The following EML6 variants were observed in gnomAD, a reference collection of about 807,000 sequenced individuals.
EML6 encodes the protein echinoderm microtubule-associated protein-like 6.
In EML6, 154 loss-of-function variants were observed where a neutral mutation model predicts 240.1. The observed-to-expected ratio is 0.64, with a 90% CI of 0.56 to 0.73. EML6 has a LOEUF of 0.73. Among genes scored for constraint, EML6 ranks in the 30% least tolerant of loss-of-function variants. The pLI is 0.00. For missense variants in EML6, 2,964 were observed against 2,474.6 expected (o/e 1.20, Z -4.20); for synonymous variants, 1,148 against 899.0 (o/e 1.28, Z -4.95).
chr2:54,777,072 C>T (rs1668634726), intron 2 of EML6, among the ~76,000 whole-genome samples: 1 of 152,180 alleles, frequency 6.6e-6, no homozygotes, highest in South Asian at 2.1e-4. Context: ...AGCTTTATTG[C>T]CAGCTGCAGC....
chr2:54,725,867 A>G lies in EML6; in HGVS notation c.197+609A>G, dbSNP rs556070434. 2.0e-5 allele frequency among the ~76,000 whole-genome samples: 3 copies of G among 152,336 alleles called. No individual in the cohort carries two copies. The highest frequency in any genetic ancestry group is 3.9e-4 in the East Asian group (2 of 5,184). Reference sequence around the variant, plus strand: ...TCCACAGCATCATTGAGGTTATTAAAGGCTGGCAGCTGCTGGATCACAAAA... The same window carrying G: ...TCCACAGCATCATTGAGGTTATTAAGGGCTGGCAGCTGCTGGATCACAAAA... On this transcript the variant is annotated intron_variant, in intron 2 of 41. Coordinates refer to ENST00000356458, the MANE Select transcript of EML6 (RefSeq NM_001039753.4). This position sits in a 1 kb window ranked among gnomAD's most constrained non-coding sequence, Gnocchi z 4.3.
chr2:54,848,611 A>G lies in EML6; in HGVS notation c.1187+988A>G, dbSNP rs188002494. Among the ~76,000 whole-genome samples, 148 of 152,042 alleles carry G rather than the reference A, an allele frequency of 9.7e-4. 1 individual carries two copies. The highest frequency in any genetic ancestry group is 3.2e-3 in the African/African-American group (131 of 41,482). Reference sequence around the variant, plus strand: ...TACACCATAATGCTATTAATAAATGATAGCAGGTATGAGCGACTGTTATGT... The same window carrying G: ...TACACCATAATGCTATTAATAAATGGTAGCAGGTATGAGCGACTGTTATGT... On this transcript the variant is annotated intron_variant, in intron 9 of 41. Transcript: ENST00000356458.
chr2:54,750,672 G>A (rs572651407), intron 2 of EML6, among the ~76,000 whole-genome samples: 1 of 152,218 alleles, frequency 6.6e-6, no homozygotes, highest in Admixed American at 6.5e-5. Flanking sequence ...ATGGGTATAG[G>A]CAGTATGTTG....
intron 26 of EML6, among the ~76,000 whole-genome samples, chr2:54,925,937 A>G (rs1674519935): frequency 6.6e-6 from 1 of 152,188 alleles, no homozygotes; most frequent in South Asian, 2.1e-4. Context: ...CCTCCTCAGA[A>G]TGTGAAAAGC....
chr2:54,929,040 G>T (rs1460036509), intron 28 of EML6, among the ~76,000 whole-genome samples: 2 of 152,138 alleles, frequency 1.3e-5, no homozygotes, highest in Non-Finnish European at 2.9e-5. Flanking sequence ...AAAATGCTAG[G>T]GTAGCCCCAA....
intron 2 of EML6, among the ~76,000 whole-genome samples, chr2:54,740,405 C>T (rs1683578412): frequency 6.6e-6 from 1 of 151,672 alleles, no homozygotes; most frequent in African/African-American, 2.4e-5. Context: ...TCAGCAGACT[C>T]AGCAGAGTAG....
chr2:54,891,401 A>G (rs1672461426), intron 18 of EML6, among the ~76,000 whole-genome samples: 2 of 152,202 alleles, frequency 1.3e-5, no homozygotes, highest in Admixed American at 6.5e-5. Context: ...AATCATTTTT[A>G]TATTTAGTCA....
intron 25 of EML6, among the ~76,000 whole-genome samples, chr2:54,915,542 TC>T (rs1455367673): frequency 1.3e-5 from 2 of 152,104 alleles, no homozygotes; most frequent in African/African-American, 4.8e-5. Flanking sequence ...TGGTCTGTGT[TC>T]CTACCCAAGG....
rs116828550 is a variant in EML6, at chr2:54,892,169, A to C, written c.2540-285A>C. On this transcript the variant is annotated intron_variant, in intron 18 of 41. Transcript: ENST00000356458. ...GAGATGCATATTGATTGCTCTCTCCAGCCAGACTCTGAGTTCCTTGAATAC... is the reference window on the plus strand; with the variant it reads ...GAGATGCATATTGATTGCTCTCTCCCGCCAGACTCTGAGTTCCTTGAATAC... 2.8e-3 allele frequency among the ~76,000 whole-genome samples: 433 copies of C among 152,332 alleles called. 3 individuals are homozygous for C. Among genetic ancestry groups the C allele is most frequent in the African/African-American group, 0.01 (420 of 41,578 alleles).
intron 2 of EML6, among the ~76,000 whole-genome samples, chr2:54,809,636 C>A (rs2567844): frequency 0.83 from 126,886 of 152,118 alleles, 53,035 homozygotes; most frequent in Middle Eastern, 0.89. Flanking sequence ...CATAATACTT[C>A]CCTGTCATTT....
chr2:54,902,490 C>G (rs192702058), intron 22 of EML6, among the ~76,000 whole-genome samples: 147 of 152,324 alleles, frequency 9.7e-4, no homozygotes, highest in African/African-American at 3.3e-3. Context: ...CCCTCCACCT[C>G]CAAAGCTCAA....
rs1671131497 is a variant in EML6, at chr2:54,869,265, G to A, written c.2136G>A (p.Val712=). Residue 712 remains valine, a synonymous_variant, in exon 15 of 42, where the codon GTG becomes GTA. Transcript: ENST00000356458. ...VVYHIAAVAV[V]YNRQQHSQRL... is the part of the protein sequence containing the mutation. Reference sequence around the variant, plus strand: ...ACCACATTGCTGCAGTTGCTGTCGTGTATAATCGGCAGCAGCACTCCCAGA... The same window carrying A: ...ACCACATTGCTGCAGTTGCTGTCGTATATAATCGGCAGCAGCACTCCCAGA... 6.4e-7 allele frequency: 1 copy of A among 1,551,008 alleles called. No homozygotes were observed. Among genetic ancestry groups the A allele is most frequent in the Non-Finnish European group, 8.7e-7 (1 of 1,146,236 alleles).
intron 30 of EML6, among the ~76,000 whole-genome samples, 160 bp downstream of exon 30, chr2:54,950,939 C>A (rs535858889): frequency 5.3e-5 from 8 of 152,298 alleles, no homozygotes; most frequent in African/African-American, 1.9e-4. Flanking sequence ...CGCTCAGGTT[C>A]AGTTACCAGA....
rs971673809 is a variant in EML6 at position 54,971,158 on chromosome 2, C to T, written c.*1063C>T. 2.6e-5 allele frequency: 4 copies of T among 152,074 alleles called. No homozygotes were observed. The highest frequency in any genetic ancestry group is 9.7e-5 in the African/African-American group (4 of 41,378). 9.4% of individuals were successfully genotyped at this position (152,074 alleles called of 1,614,324 possible). On this transcript the variant is annotated 3_prime_UTR_variant, in exon 42 of 42. Coordinates refer to ENST00000356458, the MANE Select transcript of EML6 (RefSeq NM_001039753.4). ...TCAGGCGAACTATATAGGTCAAGTC[C>T]AGATTATAAAAAAATTATCTGCAGA...
intron 5 of EML6, among the ~76,000 whole-genome samples, chr2:54,825,755 C>T (rs1012937424): frequency 6.6e-6 from 1 of 152,182 alleles, no homozygotes; most frequent in Non-Finnish European, 1.5e-5. Flanking sequence ...GACAGCCCCC[C>T]ACCCCCAGCT....
intron 28 of EML6, among the ~76,000 whole-genome samples, chr2:54,935,192 C>T (rs972329448): frequency 2.6e-5 from 4 of 152,106 alleles, no homozygotes; most frequent in Non-Finnish European, 2.9e-5. Flanking sequence ...TTTTGTAGTA[C>T]CACCATGTAC....
intron 32 of EML6, among the ~76,000 whole-genome samples, chr2:54,954,664 C>T (rs372932399): frequency 2.6e-4 from 39 of 152,142 alleles, no homozygotes; most frequent in Admixed American, 7.2e-4. Flanking sequence ...TCCAGGTTTA[C>T]ATTTACTGTA....
intron 2 of EML6, among the ~76,000 whole-genome samples, chr2:54,794,274 T>G: frequency 6.6e-6 from 1 of 152,188 alleles, no homozygotes; most frequent in African/African-American, 2.4e-5. Context: ...TATTCATCTT[T>G]ACTCAAGTCC....
At chr2:54,906,398 C>T (rs886867439) in intron 24 of EML6, among the ~76,000 whole-genome samples, 2 of 152,070 alleles carry the variant, frequency 1.3e-5, no homozygotes, top group Non-Finnish European at 2.9e-5. Flanking sequence ...TGTGGAGGGG[C>T]CTGGGGGAAG....
Sources: allele counts gnomAD v4.1 joint callset (sites outside exome capture counted in the v4.1 genomes callset), GRCh38; gene constraint gnomAD v4.1.1; non-coding constraint Gnocchi (gnomAD v3.1); transcripts MANE v1.5; gene names NCBI Gene and HGNC (gene_info 2026-07-23, HGNC 2026-07-21).